Variants in ERICH3 observed in about 807,000 individuals in gnomAD.
The protein encoded by ERICH3 is glutamate-rich protein 3.
In ERICH3, 126 loss-of-function variants were observed where a neutral mutation model predicts 131.1. The ratio of observed to expected loss-of-function variants is 0.96; its 90% CI spans 0.83 to 1.11. The LOEUF is 1.11. Ranked by LOEUF, ERICH3 falls within the 50% of genes most tolerant of loss-of-function variation. ERICH3 has a pLI of 0.00. For synonymous variants in ERICH3, 695 were observed against 644.6 expected, an observed-to-expected ratio of 1.08 and a Z score of -1.18; for missense variants, 2,050 against 1,810.7, an observed-to-expected ratio of 1.13 and a Z score of -2.40.
At chr1:74,614,773 T>A (rs945788847) in intron 8 of ERICH3, among the ~76,000 whole-genome samples, 10 of 152,054 alleles carry the variant, frequency 6.6e-5, no homozygotes, top group Non-Finnish European at 1.0e-4. Context: ...GTATTTCTGA[T>A]GTAAAATTAA....
chr1:74,599,598 A>G, intron 11 of ERICH3, 97 bp downstream of exon 11: 1 of 1,057,176 alleles, frequency 9.5e-7, no homozygotes, highest in South Asian at 1.7e-5. Context: ...CATTCAAGAG[A>G]AAAAAAAGAG....
At chr1:74,610,312 T>G (rs1379823908) in intron 9 of ERICH3, among the ~76,000 whole-genome samples, 1 of 151,174 alleles carries the variant, frequency 6.6e-6, no homozygotes, top group Non-Finnish European at 1.5e-5. Context: ...AATTTATGTA[T>G]TGTTTAAGAA....
At chr1:74,636,798 T>C (rs1278825337) in intron 5 of ERICH3, among the ~76,000 whole-genome samples, 1 of 152,194 alleles carries the variant, frequency 6.6e-6, no homozygotes, top group Non-Finnish European at 1.5e-5. Context: ...ATAATGTTCC[T>C]ATTTTAGGGG....
chr1:74,633,424 C>A (rs1037415470), intron 6 of ERICH3, among the ~76,000 whole-genome samples: 3 of 151,694 alleles, frequency 2.0e-5, no homozygotes, highest in Admixed American at 6.6e-5. Context: ...AAAATAATGA[C>A]AAGAAAATCA....
chr1:74,600,964 T>G (rs1200126499), intron 10 of ERICH3, among the ~76,000 whole-genome samples: 3 of 151,680 alleles, frequency 2.0e-5, no homozygotes, highest in African/African-American at 7.3e-5. Context: ...GAAAGAAACT[T>G]AATCTAGAAA....
chr1:74,612,803 A>T lies in ERICH3; in HGVS notation c.1007T>A (p.Phe336Tyr). The stretch of plus-strand genomic sequence containing the variant: ...ATGATGCCTTTTGGAAATAAACTGA[A>T]AGGTCTCTGGAATTAAAATAGAAAT... ...YKGKLLEKET[F>Y]QFISKRHHGF... Residue 336 changes from phenylalanine to tyrosine, a missense_variant, in exon 9 of 15, where the codon TTT (phenylalanine) becomes TAT (tyrosine). Phe to Tyr is a conservative substitution (Grantham distance 22). Transcript: ENST00000326665. 6.3e-7 allele frequency: 1 copy of T among 1,575,290 alleles called. No homozygotes were observed. The highest frequency in any genetic ancestry group is 8.7e-7 in the Non-Finnish European group (1 of 1,150,952).
intron 9 of ERICH3, among the ~76,000 whole-genome samples, chr1:74,608,437 C>T (rs529353669): frequency 6.6e-6 from 1 of 151,794 alleles, no homozygotes; most frequent in Non-Finnish European, 1.5e-5. Flanking sequence ...CTTGCTAGTC[C>T]CAGAAGAATA....
intron 1 of ERICH3, among the ~76,000 whole-genome samples, chr1:74,650,585 T>TA (rs1351944350): frequency 6.6e-6 from 1 of 152,056 alleles, no homozygotes; most frequent in Non-Finnish European, 1.5e-5. Flanking sequence ...TGATATCCAA[T>TA]ACGGCTGGTA....
At chr1:74,631,455 A>G (rs1323073009) in intron 7 of ERICH3, among the ~76,000 whole-genome samples, 1 of 152,130 alleles carries the variant, frequency 6.6e-6, no homozygotes, top group Non-Finnish European at 1.5e-5. Flanking sequence ...TGATTTGGAA[A>G]TAGGTATTGG....
intron 12 of ERICH3, among the ~76,000 whole-genome samples, chr1:74,580,879 A>C (rs1395781122): frequency 6.6e-6 from 1 of 152,150 alleles, no homozygotes; most frequent in Non-Finnish European, 1.5e-5. Context: ...CATGCAGTGA[A>C]CATAATACCC....
chr1:74,673,602 C>A lies in ERICH3; in HGVS notation c.-83G>T, dbSNP rs1489368731. ...CCGTGCGCGCTGGCGCTGCGACAGT[C>A]GCGCTCGAGGGGTGGCTCCGCACCG... On this transcript the variant is annotated 5_prime_UTR_variant, in exon 1 of 15. Transcript: ENST00000326665. 1.1e-5 allele frequency: 17 copies of A among 1,510,532 alleles called. No individual in the cohort carries two copies. The highest frequency in any genetic ancestry group is 1.5e-5 in the Non-Finnish European group (16 of 1,102,826). 93.6% of individuals were successfully genotyped at this position (1,510,532 alleles called of 1,614,324 possible). A position where few individuals can be genotyped will look rare whatever the true frequency, so the allele number is the denominator to read the frequency against.
rs753922801 is a variant in ERICH3, at chr1:74,568,204, G to A, written c.*2254C>T. The A allele has an allele frequency of 9.9e-5, 15 of 152,130 alleles. No homozygotes were observed. The highest frequency in any genetic ancestry group is 1.6e-4 in the Non-Finnish European group (11 of 67,982). 9.4% of individuals were successfully genotyped at this position (152,130 alleles called of 1,614,324 possible). On this transcript the variant is annotated 3_prime_UTR_variant, in exon 15 of 15. Coordinates refer to ENST00000326665, the MANE Select transcript of ERICH3 (RefSeq NM_001002912.5). The stretch of plus-strand genomic sequence containing the variant: ...ACATACAAGTAATTTTATCAACATA[G>A]TATTTGCAGAGAAAGAATTCACTTA...
rs184666116 is a variant in ERICH3 at position 74,627,340 on chromosome 1, G to A, written c.819+4373C>T. 3.2e-3 allele frequency among the ~76,000 whole-genome samples: 483 copies of A among 152,108 alleles called. 2 individuals are homozygous for A. The highest frequency in any genetic ancestry group is 0.011 in the African/African-American group (464 of 41,518). On this transcript the variant is annotated intron_variant, in intron 7 of 14. Coordinates refer to ENST00000326665, the MANE Select transcript of ERICH3 (RefSeq NM_001002912.5). ...GACAAGAGGTGAAAGGAGACCCCGA[G>A]GAAGCATGAAAACAGAATGCCATGG...
At chr1:74,609,690 A>T (rs1344897360) in intron 9 of ERICH3, among the ~76,000 whole-genome samples, 1 of 152,058 alleles carries the variant, frequency 6.6e-6, no homozygotes, top group African/African-American at 2.4e-5. Flanking sequence ...GCACTGTTCT[A>T]TTCTGGGCAT....
At position 74,583,662 on chromosome 1, in the gene ERICH3, A is replaced by G. The variant is rs187214931; in HGVS notation, c.2176+5969T>C. ...TAGAAAGGTAAGGAGAAGTAGAACC[A>G]CTAATACATAAAACTTTAATAAATG... On this transcript the variant is annotated intron_variant, in intron 12 of 14. Coordinates refer to ENST00000326665, the MANE Select transcript of ERICH3 (RefSeq NM_001002912.5). 4.7e-4 allele frequency among the ~76,000 whole-genome samples: 72 copies of G among 152,304 alleles called. 1 individual carries two copies. The highest frequency in any genetic ancestry group is 1.8e-3 in the Admixed American group (28 of 15,282).
At chr1:74,646,889 G>GACACACAC (rs141577300) in intron 2 of ERICH3, 97 bp from the exon 3 acceptor site, 2,955 of 247,526 alleles carry the variant, frequency 0.012, 35 homozygotes, top group Admixed American at 0.04. Context: ...AAGACAGACA[G>GACACACAC]ACACACACAC....
intron 1 of ERICH3, among the ~76,000 whole-genome samples, chr1:74,666,054 C>A (rs1221360575): frequency 6.6e-6 from 1 of 151,978 alleles, no homozygotes; most frequent in Non-Finnish European, 1.5e-5. Context: ...TCATTGATGA[C>A]CATCAAAAAA....
Position 74,599,694 on chromosome 1 carries a change from C to T in ERICH3, c.1726+1G>A, listed in dbSNP as rs1357930331. The T allele has an allele frequency of 6.3e-7, 1 of 1,599,078 alleles. No homozygotes were observed. The highest frequency in any genetic ancestry group is 8.5e-7 in the Non-Finnish European group (1 of 1,173,410). On this transcript the variant is annotated splice_donor_variant, in intron 11 of 14. Coordinates refer to ENST00000326665, the MANE Select transcript of ERICH3 (RefSeq NM_001002912.5). LOFTEE classifies it high-confidence loss of function. ...GTTACATGATAAGCTGAACAACTCG[C>T]CTTGTTTATCCTCTTCCAGTTCACT... is the stretch of plus-strand genomic sequence containing the variant.
intron 11 of ERICH3, among the ~76,000 whole-genome samples, chr1:74,597,122 G>A (rs1037343394): frequency 6.6e-6 from 1 of 152,054 alleles, no homozygotes; most frequent in Non-Finnish European, 1.5e-5. Flanking sequence ...ATGAAATGCT[G>A]TCTGGCTTTT....
Sources: allele counts gnomAD v4.1 joint callset (sites outside exome capture counted in the v4.1 genomes callset), GRCh38; gene constraint gnomAD v4.1.1; transcripts MANE v1.5; gene names NCBI Gene and HGNC (gene_info 2026-07-23, HGNC 2026-07-21).